The following ZDHHC21 variants were observed in gnomAD, a reference collection of about 807,000 sequenced individuals.
The protein encoded by ZDHHC21 is zDHHC palmitoyltransferase 21.
Under a neutral mutation model 34.6 loss-of-function variants are expected in ZDHHC21, and 15 were observed. The observed-to-expected ratio is 0.43, with a 90% CI of 0.29 to 0.67. The LOEUF (loss-of-function observed/expected upper bound fraction) is 0.67, where lower values mean the gene tolerates loss of function less well. Among genes scored for constraint, ZDHHC21 ranks in the 30% least tolerant of loss-of-function variants. ZDHHC21 has a pLI of 0.14. For missense variants in ZDHHC21, 344 were observed against 327.7 expected, an observed-to-expected ratio of 1.05 and a Z score of -0.38; for synonymous variants, 142 against 101.8, an observed-to-expected ratio of 1.40 and a Z score of -2.38.
chr9:14,601,568 A>C, the ZDHHC21 span, among the ~76,000 whole-genome samples: 638 of 152,302 alleles, frequency 4.2e-3, 4 homozygotes, highest in South Asian at 0.026. Flanking sequence ...TTAGTTCAAC[A>C]ATTGTGCAAG....
At chr9:14,605,941 T>G in the ZDHHC21 span, among the ~76,000 whole-genome samples, 1 of 152,178 alleles carries the variant, frequency 6.6e-6, no homozygotes, top group African/African-American at 2.4e-5. Context: ...CTGGGGTTTA[T>G]GAAAATAAAC....
chr9:14,607,264 A>G (rs1823041993), downstream of ZDHHC21, among the ~76,000 whole-genome samples: 1 of 152,110 alleles, frequency 6.6e-6, no homozygotes, highest in Admixed American at 6.6e-5. Context: ...CCTGGGCCAC[A>G]TGGCAAAATC....
rs1277406760 is a variant in ZDHHC21, at chr9:14,617,907, G to A, written c.*1059C>T. The stretch of plus-strand genomic sequence containing the variant: ...TACACAAAGTTAGTGACTTTTTTTA[G>A]TAGTAGCTTCCTATAAATAAAATTT... On this transcript the variant is annotated 3_prime_UTR_variant, in exon 10 of 10. Transcript: ENST00000380916. The A allele has an allele frequency of 6.6e-6, 1 of 151,850 alleles. No individual in the cohort carries two copies. The highest frequency in any genetic ancestry group is 2.4e-5 in the African/African-American group (1 of 41,392). 9.4% of individuals were successfully genotyped at this position (151,850 alleles called of 1,614,324 possible).
intron 7 of ZDHHC21, among the ~76,000 whole-genome samples, chr9:14,649,484 G>C (rs1216634516): frequency 6.6e-6 from 1 of 151,932 alleles, no homozygotes; most frequent in Non-Finnish European, 1.5e-5. Flanking sequence ...ATGACCCTTA[G>C]CTAAAGTTTA....
At chr9:14,599,764 G>A in the ZDHHC21 span, among the ~76,000 whole-genome samples, 2 of 151,920 alleles carry the variant, frequency 1.3e-5, no homozygotes, top group Non-Finnish European at 2.9e-5. Context: ...CAAGCTTAGT[G>A]GGGGGAGGGG....
chr9:14,651,792 C>A (rs948505493), intron 7 of ZDHHC21, among the ~76,000 whole-genome samples: 96 of 151,958 alleles, frequency 6.3e-4, no homozygotes, highest in African/African-American at 2.3e-3. Flanking sequence ...AATGACTAGG[C>A]ATCTGCTTAT....
chr9:14,636,438 T>TAA (rs1397819211), intron 8 of ZDHHC21, among the ~76,000 whole-genome samples: 1 of 152,168 alleles, frequency 6.6e-6, no homozygotes, highest in Non-Finnish European at 1.5e-5. Flanking sequence ...AAGGGAAAGA[T>TAA]AGACTCTAAT....
At chr9:14,607,404 C>T (rs1281169480), downstream of ZDHHC21, among the ~76,000 whole-genome samples, 1 of 149,842 alleles carries the variant, frequency 6.7e-6, no homozygotes, top group Admixed American at 6.6e-5. Context: ...ACCCTGTATC[C>T]AAAAAAAAAG....
intron 8 of ZDHHC21, among the ~76,000 whole-genome samples, chr9:14,626,112 T>C (rs1477006803): frequency 6.6e-6 from 1 of 151,992 alleles, no homozygotes; most frequent in Non-Finnish European, 1.5e-5. Flanking sequence ...CTCTTACACT[T>C]TTAACACCAA....
chr9:14,665,402 G>A (rs554857041), intron 5 of ZDHHC21, among the ~76,000 whole-genome samples: 1 of 144,094 alleles, frequency 6.9e-6, no homozygotes, highest in South Asian at 2.3e-4. Flanking sequence ...GGGGAGAATG[G>A]AACCAAGTTG....
chr9:14,639,618 A>G (rs980798904), intron 8 of ZDHHC21, among the ~76,000 whole-genome samples: 1 of 152,112 alleles, frequency 6.6e-6, no homozygotes, highest in African/African-American at 2.4e-5. Flanking sequence ...TGTACCCCAT[A>G]AATACGTAAG....
intron 7 of ZDHHC21, among the ~76,000 whole-genome samples, chr9:14,649,460 G>C (rs574324926): frequency 6.8e-4 from 103 of 152,092 alleles, no homozygotes; most frequent in African/African-American, 2.4e-3. Context: ...GTATGGGTAT[G>C]AGCACTTTTT....
chr9:14,674,909 G>A (rs973402546), intron 3 of ZDHHC21, among the ~76,000 whole-genome samples: 1 of 151,840 alleles, frequency 6.6e-6, no homozygotes, highest in African/African-American at 2.4e-5. Context: ...TGACCTGGGT[G>A]GTACTTTATG....
At chr9:14,656,962 C>G (rs1411608203) in intron 7 of ZDHHC21, among the ~76,000 whole-genome samples, 1 of 151,810 alleles carries the variant, frequency 6.6e-6, no homozygotes, top group Non-Finnish European at 1.5e-5. Context: ...TGCTGCTGAT[C>G]TTTTTCCAAC....
At chr9:14,644,665 T>C (rs950759336) in intron 7 of ZDHHC21, among the ~76,000 whole-genome samples, 1 of 152,066 alleles carries the variant, frequency 6.6e-6, no homozygotes, top group Non-Finnish European at 1.5e-5. Context: ...TTCTAATCTG[T>C]TAATGTGATA....
At chr9:14,659,037 A>C in intron 6 of ZDHHC21, 150 bp from the exon 7 acceptor site, 1 of 692,376 alleles carries the variant, frequency 1.4e-6, no homozygotes, top group South Asian at 2.1e-5. Flanking sequence ...AACAAACTAT[A>C]CAGAGAAAAC....
In ZDHHC21 at chr9:14,615,986, G is replaced by GTT. The variant is rs1250635509; in HGVS notation, c.*2978_*2979dup. 1 of 151,302 alleles carries GTT rather than the reference G, an allele frequency of 6.6e-6. No homozygotes were observed. Among genetic ancestry groups the GTT allele is most frequent in the African/African-American group, 2.4e-5 (1 of 41,250 alleles). The allele number at this position is 151,302 out of a possible 1,614,324, so 9.4% of individuals were successfully genotyped here. A position where few individuals can be genotyped will look rare whatever the true frequency, so the allele number is the denominator to read the frequency against. ...AGTTATCCAGAATACATAAGAAATTGTTACTAAAACTATAGATATAACTCT... is the reference window on the plus strand; with the variant it reads ...AGTTATCCAGAATACATAAGAAATTGTTTTACTAAAACTATAGATATAACTCT... On this transcript the variant is annotated 3_prime_UTR_variant, in exon 10 of 10. Transcript: ENST00000380916.
intron 7 of ZDHHC21, among the ~76,000 whole-genome samples, chr9:14,648,669 C>T (rs1055290513): frequency 5.3e-5 from 8 of 152,064 alleles, no homozygotes; most frequent in Non-Finnish European, 1.2e-4. Context: ...TGCCTGTCTT[C>T]TCTAATTGGA....
intron 5 of ZDHHC21, among the ~76,000 whole-genome samples, chr9:14,671,669 A>G (rs1038966239): frequency 2.0e-5 from 3 of 151,924 alleles, no homozygotes; most frequent in African/African-American, 7.3e-5. Context: ...TAGTAATGAC[A>G]AAACCACATG....
Sources: allele counts gnomAD v4.1 joint callset (sites outside exome capture counted in the v4.1 genomes callset), GRCh38; gene constraint gnomAD v4.1.1; transcripts MANE v1.5; gene names NCBI Gene and HGNC (gene_info 2026-07-23, HGNC 2026-07-21).